The following UNC79 variants were observed in gnomAD, a reference collection of about 807,000 sequenced individuals.
UNC79 encodes unc-79 subunit of NALCN channel complex, also known as protein unc-79 homolog.
A neutral mutation model predicts 283.1 loss-of-function variants in UNC79; 37 were observed. That is an observed-to-expected ratio of 0.13 (90% CI 0.10 to 0.17). The LOEUF (loss-of-function observed/expected upper bound fraction) is 0.17, where lower values mean the gene tolerates loss of function less well. Among genes scored for constraint, UNC79 ranks in the 10% least tolerant of loss-of-function variants. The probability of loss-of-function intolerance (pLI) is 1.00; values close to 1 mark genes in which losing one functional copy is unlikely to be tolerated. For synonymous variants in UNC79, 1,107 were observed against 1,200.2 expected (o/e 0.92, Z 1.61); for missense variants, 2,272 against 3,211.1 (o/e 0.71, Z 7.07).
chr14:93,383,809 G>A (rs891509661), intron 1 of UNC79, among the ~76,000 whole-genome samples: 1 of 152,152 alleles, frequency 6.6e-6, no homozygotes, highest in African/African-American at 2.4e-5. Flanking sequence ...TCAGTGGGAG[G>A]TGATTGAATT....
At chr14:93,363,589 G>A (rs961668202) in intron 1 of UNC79, among the ~76,000 whole-genome samples, 4 of 152,084 alleles carry the variant, frequency 2.6e-5, no homozygotes, top group Non-Finnish European at 4.4e-5. Flanking sequence ...GTTATTGTGT[G>A]GTTATCTAAG....
At chr14:93,665,569 C>T (rs1475848369) in intron 40 of UNC79, among the ~76,000 whole-genome samples, 6 of 151,746 alleles carry the variant, frequency 4.0e-5, no homozygotes, top group Non-Finnish European at 8.8e-5. Context: ...AAAGTTTTAC[C>T]TGCTCATGTC....
intron 1 of UNC79, among the ~76,000 whole-genome samples, chr14:93,395,579 C>G (rs577873803): frequency 2.6e-5 from 4 of 152,288 alleles, no homozygotes; most frequent in South Asian, 4.1e-4. Context: ...GGGGAGGGCC[C>G]CCAACATTAA....
intron 1 of UNC79, among the ~76,000 whole-genome samples, chr14:93,378,821 G>A (rs1390051008): frequency 6.6e-6 from 1 of 152,168 alleles, no homozygotes; most frequent in Non-Finnish European, 1.5e-5. Context: ...TGAAATCAAA[G>A]TGGTTGCCAG....
chr14:93,365,808 T>C (rs2054317651), intron 1 of UNC79, among the ~76,000 whole-genome samples: 1 of 151,974 alleles, frequency 6.6e-6, no homozygotes, highest in South Asian at 2.1e-4. Context: ...GAATTTCAGA[T>C]AGAGAAAATG....
At chr14:93,346,288 A>G (rs987556130) in intron 1 of UNC79, among the ~76,000 whole-genome samples, 4 of 152,220 alleles carry the variant, frequency 2.6e-5, no homozygotes, top group Non-Finnish European at 5.9e-5. Context: ...GTGAAGACAC[A>G]GGATCATTGT....
At chr14:93,366,391 A>G (rs1236928118) in intron 1 of UNC79, among the ~76,000 whole-genome samples, 2 of 152,148 alleles carry the variant, frequency 1.3e-5, no homozygotes, top group Non-Finnish European at 2.9e-5. Flanking sequence ...AATGGGATGT[A>G]TCATTGCTGG....
At chr14:93,511,908 C>T (rs537947057) in intron 7 of UNC79, among the ~76,000 whole-genome samples, 1 of 152,126 alleles carries the variant, frequency 6.6e-6, no homozygotes, top group East Asian at 1.9e-4. Flanking sequence ...TTTTTCCTAG[C>T]TTCTTGGGAT....
At chr14:93,485,196 G>GTGTATATATATGTGTATATATATATA (rs1206329749) in intron 4 of UNC79, among the ~76,000 whole-genome samples, 16 of 135,196 alleles carry the variant, frequency 1.2e-4, no homozygotes, top group African/African-American at 3.8e-4. Context: ...GTATATATAT[G>GTGTATATATATGTGTATATATATATA]TGTATATATA....
intron 48 of UNC79, 110 bp from the exon 52 acceptor site, chr14:93,706,594 C>A (rs1489012794): frequency 3.2e-6 from 4 of 1,269,026 alleles, no homozygotes; most frequent in Non-Finnish European, 4.4e-6. Flanking sequence ...TCAGGCCAGA[C>A]AACCCTTGAG....
chr14:93,435,133 TGTA>T (rs758546649), intron 1 of UNC79, among the ~76,000 whole-genome samples: 15 of 152,204 alleles, frequency 9.9e-5, no homozygotes, highest in Non-Finnish European at 1.6e-4. Flanking sequence ...GCACTGCAGT[TGTA>T]GTCATTTAGA....
chr14:93,641,312 G>A (rs969277019), intron 33 of UNC79, 65 bp downstream of exon 36: 3 of 1,480,718 alleles, frequency 2.0e-6, no homozygotes, highest in Non-Finnish European at 2.8e-6. Context: ...CCACAGTGGT[G>A]AGAAAGTTTC....
At chr14:93,495,349 T>C (rs1248252469) in intron 5 of UNC79, among the ~76,000 whole-genome samples, 1 of 152,146 alleles carries the variant, frequency 6.6e-6, no homozygotes, top group Non-Finnish European at 1.5e-5. Context: ...AAAACTGCCT[T>C]TATGAAACCA....
At chr14:93,504,385 G>A (rs1284690343) in intron 7 of UNC79, among the ~76,000 whole-genome samples, 1 of 151,908 alleles carries the variant, frequency 6.6e-6, no homozygotes, top group Admixed American at 6.6e-5. Context: ...GATTTTGATT[G>A]GGATTGTCTT....
chr14:93,655,028 T>G (rs1566866705), intron 37 of UNC79, among the ~76,000 whole-genome samples: 1 of 152,246 alleles, frequency 6.6e-6, no homozygotes, highest in Non-Finnish European at 1.5e-5. Flanking sequence ...TTGCTCACTT[T>G]TCACCTCTCA....
rs1454110124 is a variant in UNC79 at position 93,572,100 on chromosome 14, A to C, written c.1946+16A>C. On this transcript the variant is annotated intron_variant, in intron 15 of 48. Transcript: ENST00000555664. ...AAGTATTAAGGTGGGTAAGTAGTTT[A>C]ATGAAGTCACTGTAATTATAATCAT... is the stretch of plus-strand genomic sequence containing the variant. 1.2e-6 allele frequency: 2 copies of C among 1,611,324 alleles called. No individual in the cohort carries two copies. Among genetic ancestry groups the C allele is most frequent in the Admixed American group, 3.3e-5 (2 of 59,972 alleles).
chr14:93,583,505 G>A (rs554042395), intron 20 of UNC79, among the ~76,000 whole-genome samples: 24 of 152,148 alleles, frequency 1.6e-4, no homozygotes, highest in Middle Eastern at 3.4e-3. Flanking sequence ...CTAAATCTTC[G>A]GTCAGAACTA....
At chr14:93,680,776 C>T (rs1255732398) in intron 41 of UNC79, among the ~76,000 whole-genome samples, 1 of 152,024 alleles carries the variant, frequency 6.6e-6, no homozygotes, top group African/African-American at 2.4e-5. Flanking sequence ...CCTCAGCCTC[C>T]CAAAGTGCTG....
rs1422258046 is a variant in UNC79 at position 93,688,004 on chromosome 14, C to T, written c.6910-661C>T. Among the ~76,000 whole-genome samples, 2 of 152,080 alleles carry T rather than the reference C, an allele frequency of 1.3e-5. No individual in the cohort carries two copies. The highest frequency in any genetic ancestry group is 2.9e-5 in the Non-Finnish European group (2 of 68,024). ...AGCTAGGACAGACCTGGGTCTAGAA[C>T]CTAGGTCTCAATGCCTAGTTCAGTG... On this transcript the variant is annotated intron_variant, in intron 43 of 48. Transcript: ENST00000555664. The surrounding 1 kb of genome is among the most constrained non-coding windows in gnomAD (Gnocchi z 4.0).
Sources: gnomAD v4.1 joint callset for allele counts (sites outside exome capture counted in the v4.1 genomes callset) on GRCh38, gnomAD v4.1.1 for gene constraint, Gnocchi (gnomAD v3.1) non-coding constraint, MANE v1.5 for transcripts, NCBI Gene and HGNC (gene_info 2026-07-23, HGNC 2026-07-21) for gene names.